Variants in ACOXL observed in about 807,000 individuals in gnomAD.
ACOXL encodes the protein acyl-coenzyme A oxidase-like protein.
ACOXL carries 70 observed loss-of-function variants against 71.9 expected under a neutral mutation model. The ratio of observed to expected loss-of-function variants is 0.97; its 90% CI spans 0.80 to 1.19. The LOEUF (loss-of-function observed/expected upper bound fraction) is 1.19. ACOXL is among the 50% of genes most tolerant of loss of function. ACOXL has a pLI of 0.00. For synonymous variants in ACOXL, 253 were observed against 281.6 expected, an observed-to-expected ratio of 0.90 and a Z score of 1.02; for missense variants, 703 against 736.3, an observed-to-expected ratio of 0.95 and a Z score of 0.52.
chr2:111,057,508 G>A (rs1220904610), intron 16 of ACOXL, among the ~76,000 whole-genome samples: 2 of 152,180 alleles, frequency 1.3e-5, no homozygotes, highest in African/African-American at 2.4e-5. Context: ...GCCATCAACA[G>A]CTAATAGTTG....
intron 12 of ACOXL, among the ~76,000 whole-genome samples, chr2:110,983,260 T>C (rs2062792876): frequency 6.6e-6 from 1 of 152,282 alleles, no homozygotes; most frequent in Non-Finnish European, 1.5e-5. Context: ...TGTGAGGAAA[T>C]GCTGGTTGCT....
At chr2:110,916,253 T>C (rs1175273824) in intron 11 of ACOXL, among the ~76,000 whole-genome samples, 1 of 152,122 alleles carries the variant, frequency 6.6e-6, no homozygotes, top group African/African-American at 2.4e-5. Flanking sequence ...TTTTTTTCTT[T>C]TTCTCAGCCA....
At chr2:110,761,496 T>A (rs1438504186) in intron 1 of ACOXL, among the ~76,000 whole-genome samples, 1 of 152,224 alleles carries the variant, frequency 6.6e-6, no homozygotes, top group African/African-American at 2.4e-5. Context: ...GTGGCACAAC[T>A]CTGTGATGCC....
chr2:110,805,179 G>A (rs906404400), intron 8 of ACOXL, 84 bp from the exon 9 acceptor site: 1 of 1,550,134 alleles, frequency 6.5e-7, no homozygotes. Context: ...GCTTCCCTGT[G>A]TATGCACATG....
chr2:110,839,098 A>G (rs1690817631), intron 9 of ACOXL, among the ~76,000 whole-genome samples: 1 of 152,020 alleles, frequency 6.6e-6, no homozygotes, highest in African/African-American at 2.4e-5. Flanking sequence ...AGCCCCCTTT[A>G]ACCAGCACAG....
At chr2:110,968,152 C>A in intron 12 of ACOXL, 1 of 1,287,654 alleles carries the variant, frequency 7.8e-7, no homozygotes, top group South Asian at 1.2e-5. Context: ...GCTGCTGGCC[C>A]GCAGGCTTCT....
chr2:110,841,260 C>A lies in ACOXL; in HGVS notation c.754-111C>A. The stretch of plus-strand genomic sequence containing the variant: ...TATTTTTGAAGCATTAGCTGTAGGG[C>A]ATTTTAGAAAATCTTTAAAACGTAA... On this transcript the variant is annotated intron_variant, in intron 9 of 17. Coordinates refer to ENST00000439055, the MANE Select transcript of ACOXL (RefSeq NM_001142807.4). 5 of 730,722 alleles carry A rather than the reference C, an allele frequency of 6.8e-6. No individual in the cohort carries two copies. In the South Asian group the frequency reaches 8.5e-5, roughly 12 times the overall value. 45.3% of individuals were successfully genotyped at this position (730,722 alleles called of 1,614,324 possible).
chr2:111,073,357 T>C lies in ACOXL; in HGVS notation c.1441-19508T>C, dbSNP rs2067433779. 3.9e-5 allele frequency among the ~76,000 whole-genome samples: 6 copies of C among 152,220 alleles called. No individual in the cohort carries two copies. The South Asian group carries it at 1.2e-3, about 31-fold the overall frequency. ...AACCTCAAGTCATGAAGGTTTTATC[T>C]CATTATTTTTCTAAAAGTTTAAGAG... On this transcript the variant is annotated intron_variant, in intron 16 of 17. Transcript: ENST00000439055.
chr2:110,838,334 A>C (rs879325260), intron 9 of ACOXL, among the ~76,000 whole-genome samples: 1 of 152,090 alleles, frequency 6.6e-6, no homozygotes, highest in Admixed American at 6.5e-5. Flanking sequence ...GTGTGTGTGC[A>C]GTGTACATGT....
At chr2:110,810,215 TTGTC>T (rs1231292982) in intron 9 of ACOXL, among the ~76,000 whole-genome samples, 1 of 152,206 alleles carries the variant, frequency 6.6e-6, no homozygotes, top group Non-Finnish European at 1.5e-5. Context: ...GATCAGGCCT[TTGTC>T]TGTTTTCTTT....
rs1325082136 is a variant in ACOXL, at chr2:111,014,127, C to G, written c.1282-17500C>G. On this transcript the variant is annotated intron_variant, in intron 14 of 17. Coordinates refer to ENST00000439055, the MANE Select transcript of ACOXL (RefSeq NM_001142807.4). Reference sequence around the variant, plus strand: ...AAAGAACCTACAGCTAACCTCATACCTAATAGTGAAATATTACACACTTTT... The same window carrying G: ...AAAGAACCTACAGCTAACCTCATACGTAATAGTGAAATATTACACACTTTT... 2.0e-5 allele frequency among the ~76,000 whole-genome samples: 3 copies of G among 152,086 alleles called. No homozygotes were observed. In the South Asian group the frequency reaches 6.2e-4, roughly 32 times the overall value.
chr2:111,027,470 T>C (rs938639983), intron 14 of ACOXL, among the ~76,000 whole-genome samples: 3 of 151,820 alleles, frequency 2.0e-5, no homozygotes, highest in East Asian at 2.0e-4. Context: ...TACAGGTGTG[T>C]GCCACCACAC....
intron 17 of ACOXL, among the ~76,000 whole-genome samples, chr2:111,104,900 T>G (rs182979832): frequency 5.3e-5 from 8 of 152,308 alleles, no homozygotes; most frequent in Middle Eastern, 3.4e-3. Flanking sequence ...ACTTTTCACC[T>G]ATTCCTAGAT....
intron 1 of ACOXL, among the ~76,000 whole-genome samples, chr2:110,744,170 A>G (rs1677896004): frequency 6.6e-6 from 1 of 151,822 alleles, no homozygotes; most frequent in South Asian, 2.1e-4. Flanking sequence ...GAAAGAGTGC[A>G]AGAGAGCACT....
chr2:111,017,394 A>G (rs945258361), intron 14 of ACOXL, among the ~76,000 whole-genome samples: 5 of 152,258 alleles, frequency 3.3e-5, no homozygotes, highest in Non-Finnish European at 5.9e-5. Flanking sequence ...GAAAGTTGTC[A>G]GACCACACGC....
chr2:110,911,832 T>G (rs2059662138), intron 11 of ACOXL, among the ~76,000 whole-genome samples: 2 of 152,192 alleles, frequency 1.3e-5, no homozygotes, highest in Non-Finnish European at 2.9e-5. Flanking sequence ...TTTCCATGTC[T>G]ATTTAACATC....
At chr2:110,946,012 T>C (rs2061093926) in intron 12 of ACOXL, among the ~76,000 whole-genome samples, 1 of 152,232 alleles carries the variant, frequency 6.6e-6, no homozygotes, top group South Asian at 2.1e-4. Context: ...TTGTGTCATC[T>C]CTGATTTCTT....
intron 12 of ACOXL, chr2:110,967,856 A>G: frequency 1.6e-6 from 2 of 1,268,958 alleles, no homozygotes; most frequent in South Asian, 2.4e-5. Context: ...AAAGTTGTTA[A>G]GAATAAGGCC....
chr2:111,008,469 A>C (rs540254611), intron 14 of ACOXL, among the ~76,000 whole-genome samples: 1 of 152,184 alleles, frequency 6.6e-6, no homozygotes, highest in Non-Finnish European at 1.5e-5. Flanking sequence ...TCATTTTTTT[A>C]CAGCCACAGA....
Sources: allele counts gnomAD v4.1 joint callset (sites outside exome capture counted in the v4.1 genomes callset), GRCh38; gene constraint gnomAD v4.1.1; transcripts MANE v1.5; gene names NCBI Gene and HGNC (gene_info 2026-07-23, HGNC 2026-07-21).